The following MACROD2 variants were observed in gnomAD, a reference collection of about 807,000 sequenced individuals.
MACROD2 encodes mono-ADP ribosylhydrolase 2.
In MACROD2, 36 loss-of-function variants were observed where a neutral mutation model predicts 70.4. That is an observed-to-expected ratio of 0.51 (90% CI 0.39 to 0.68). The LOEUF is 0.68. Among genes scored for constraint, MACROD2 ranks in the 30% least tolerant of loss-of-function variants. MACROD2 has a pLI of 0.00. For synonymous variants in MACROD2, 172 were observed against 178.8 expected (o/e 0.96, Z 0.30); for missense variants, 496 against 538.4 (o/e 0.92, Z 0.78).
At chr20:15,031,794 G>A (rs2075276516) in intron 5 of MACROD2, among the ~76,000 whole-genome samples, 1 of 152,138 alleles carries the variant, frequency 6.6e-6, no homozygotes, top group Non-Finnish European at 1.5e-5. Context: ...CTGGGCCATG[G>A]ACTCCACCCA....
intron 5 of MACROD2, among the ~76,000 whole-genome samples, chr20:14,808,794 T>C (rs186470298): frequency 1.3e-5 from 2 of 150,782 alleles, no homozygotes; most frequent in African/African-American, 4.9e-5. Context: ...AATCCCAGTT[T>C]CTGATAAAAG....
At chr20:14,778,229 C>A (rs2072257558) in intron 5 of MACROD2, among the ~76,000 whole-genome samples, 1 of 152,126 alleles carries the variant, frequency 6.6e-6, no homozygotes, top group South Asian at 2.1e-4. Context: ...TGGCAGTAAA[C>A]AGCAGGCAAA....
intron 3 of MACROD2, among the ~76,000 whole-genome samples, chr20:14,214,020 G>A (rs1443750255): frequency 6.6e-6 from 1 of 152,102 alleles, no homozygotes; most frequent in Admixed American, 6.5e-5. Context: ...CTTATCTTAA[G>A]ATGGTTTTGG....
At chr20:15,232,571 TA>T (rs2076968378) in intron 6 of MACROD2, among the ~76,000 whole-genome samples, 1 of 152,056 alleles carries the variant, frequency 6.6e-6, no homozygotes, top group Non-Finnish European at 1.5e-5. Flanking sequence ...ATAATGTGTA[TA>T]AGATAATTGG....
chr20:14,944,726 T>G (rs2074416646), intron 5 of MACROD2, among the ~76,000 whole-genome samples: 1 of 152,116 alleles, frequency 6.6e-6, no homozygotes, highest in African/African-American at 2.4e-5. Flanking sequence ...ACCACTCACT[T>G]CACTGCTGCA....
At chr20:14,188,879 AT>A (rs1431099000) in intron 3 of MACROD2, among the ~76,000 whole-genome samples, 3 of 152,150 alleles carry the variant, frequency 2.0e-5, no homozygotes, top group Non-Finnish European at 2.9e-5. Context: ...GGAAAAACAC[AT>A]TATTTAGAGC....
At chr20:15,221,774 CAATGAAGA>C (rs1203516582) in intron 5 of MACROD2, among the ~76,000 whole-genome samples, 1 of 144,454 alleles carries the variant, frequency 6.9e-6, no homozygotes, top group Non-Finnish European at 1.5e-5. Flanking sequence ...GCTTTGAAGT[CAATGAAGA>C]ATAAAACATA....
intron 8 of MACROD2, among the ~76,000 whole-genome samples, chr20:15,845,331 C>A (rs575965041): frequency 3.3e-4 from 50 of 152,240 alleles, no homozygotes; most frequent in Non-Finnish European, 7.2e-4. Flanking sequence ...CCACTTCAAA[C>A]GCACAACTCA....
At chr20:15,718,796 G>T (rs566830037) in intron 8 of MACROD2, among the ~76,000 whole-genome samples, 1 of 152,302 alleles carries the variant, frequency 6.6e-6, no homozygotes, top group East Asian at 1.9e-4. Flanking sequence ...TCTAATGAGA[G>T]AATATATGAG....
At chr20:14,468,195 A>G (rs911318027) in intron 3 of MACROD2, among the ~76,000 whole-genome samples, 3 of 151,892 alleles carry the variant, frequency 2.0e-5, no homozygotes, top group Admixed American at 1.3e-4. Context: ...GATCTGTCTA[A>G]TATTGACAGT....
chr20:14,899,847 C>G (rs2073875343), intron 5 of MACROD2, among the ~76,000 whole-genome samples: 1 of 152,130 alleles, frequency 6.6e-6, no homozygotes, highest in Non-Finnish European at 1.5e-5. Flanking sequence ...TAAGGAATAT[C>G]TAACTGGGCA....
intron 5 of MACROD2, among the ~76,000 whole-genome samples, chr20:14,977,712 G>A (rs991804148): frequency 3.9e-5 from 6 of 152,122 alleles, no homozygotes; most frequent in African/African-American, 7.2e-5. Context: ...CAAGAATGGC[G>A]ATGATGATGG....
chr20:14,515,183 T>C (rs1190948240), intron 4 of MACROD2, among the ~76,000 whole-genome samples: 1 of 152,070 alleles, frequency 6.6e-6, no homozygotes. Flanking sequence ...AAGATTAATG[T>C]TAGGAATAAC....
At chr20:14,621,798 T>C (rs1438675938) in intron 4 of MACROD2, 1 of 152,160 alleles carries the variant, frequency 6.6e-6, no homozygotes, top group Non-Finnish European at 1.5e-5. Flanking sequence ...TCTAGGTACA[T>C]AAAAACGAGC....
chr20:14,279,446 T>C (rs1369011083), intron 3 of MACROD2, among the ~76,000 whole-genome samples: 43 of 152,034 alleles, frequency 2.8e-4, no homozygotes, highest in Admixed American at 2.8e-3. Context: ...TTAAGTTGAT[T>C]TTTTTTTCTT....
At chr20:14,855,697 G>A (rs416233) in intron 5 of MACROD2, among the ~76,000 whole-genome samples, 84,981 of 144,750 alleles carry the variant, frequency 0.59, 25,572 homozygotes, top group Middle Eastern at 0.68. Context: ...AGACTATTAC[G>A]TTAATATCTT....
At chr20:15,981,339 G>A (rs1164468466) in intron 13 of MACROD2, among the ~76,000 whole-genome samples, 1 of 152,112 alleles carries the variant, frequency 6.6e-6, no homozygotes, top group African/African-American at 2.4e-5. Flanking sequence ...TACAGTTTTT[G>A]CTTTAGACAA....
chr20:15,817,090 GT>G (rs1385765432), intron 8 of MACROD2, among the ~76,000 whole-genome samples: 23 of 152,170 alleles, frequency 1.5e-4, no homozygotes, highest in African/African-American at 5.5e-4. Context: ...CAATTAACAT[GT>G]CTTGTTATAG....
intron 5 of MACROD2, among the ~76,000 whole-genome samples, chr20:14,953,710 G>A (rs957998803): frequency 1.3e-5 from 2 of 152,192 alleles, no homozygotes; most frequent in South Asian, 4.1e-4. Flanking sequence ...TAGCTAGCGA[G>A]TCTTGAACAT....
Sources: allele counts gnomAD v4.1 joint callset (sites outside exome capture counted in the v4.1 genomes callset), GRCh38; gene constraint gnomAD v4.1.1; transcripts MANE v1.5; gene names NCBI Gene and HGNC (gene_info 2026-07-23, HGNC 2026-07-21).